Variants in G3BP1 observed in about 807,000 individuals in gnomAD.
The protein encoded by G3BP1 is G3BP stress granule assembly factor 1.
A neutral mutation model predicts 58.6 loss-of-function variants in G3BP1; 35 were observed. The observed-to-expected ratio is 0.60, with a 90% CI of 0.46 to 0.79. The LOEUF is 0.79. Ranked by LOEUF, G3BP1 falls within the 30% of genes least tolerant of loss-of-function variation. The pLI is 0.00. For missense variants in G3BP1, 523 were observed against 580.8 expected, an observed-to-expected ratio of 0.90 and a Z score of 1.02; for synonymous variants, 191 against 195.4, an observed-to-expected ratio of 0.98 and a Z score of 0.19.
chr5:151,789,197 C>CT (rs1260148158), intron 2 of G3BP1, among the ~76,000 whole-genome samples: 2 of 151,804 alleles, frequency 1.3e-5, no homozygotes, highest in Admixed American at 1.3e-4. Flanking sequence ...AATTCTAGCA[C>CT]TTTGAGAGGC....
intron 4 of G3BP1, among the ~76,000 whole-genome samples, chr5:151,792,900 C>T (rs185089460): frequency 1.1e-3 from 168 of 152,264 alleles, no homozygotes; most frequent in Middle Eastern, 0.01. Context: ...CAGGAGTGAG[C>T]CACTGTGCCT....
intron 1 of G3BP1, among the ~76,000 whole-genome samples, chr5:151,776,596 A>G (rs942273168): frequency 1.5e-4 from 23 of 151,922 alleles, no homozygotes; most frequent in African/African-American, 5.3e-4. Context: ...CATTCCTTCT[A>G]CAGTATAAAT....
chr5:151,777,809 T>C (rs1034901251), intron 1 of G3BP1, among the ~76,000 whole-genome samples: 14 of 152,182 alleles, frequency 9.2e-5, no homozygotes, highest in African/African-American at 3.4e-4. Flanking sequence ...CTCATGTCCC[T>C]TTTCCCTCTT....
rs1763035096 is a variant in G3BP1, at chr5:151,812,777, A to G, written c.*8686A>G. The G allele has an allele frequency of 6.6e-6, 1 of 152,242 alleles. No individual in the cohort carries two copies. Among genetic ancestry groups the G allele is most frequent in the African/African-American group, 2.4e-5 (1 of 41,474 alleles). The allele number at this position is 152,242 out of a possible 1,614,324, so 9.4% of individuals were successfully genotyped here. On this transcript the variant is annotated 3_prime_UTR_variant, in exon 12 of 12. Coordinates refer to ENST00000356245, the MANE Select transcript of G3BP1 (RefSeq NM_005754.3). ...TAATAAACTCATTTTGGAATGTTTT[A>G]GCAATGAATTGGTATCTCTCTGTTG...
intron 7 of G3BP1, 47 bp downstream of exon 7, chr5:151,797,475 T>TA (rs1268235938): frequency 1.9e-6 from 3 of 1,540,176 alleles, no homozygotes; most frequent in African/African-American, 1.4e-5. Context: ...TTATTTTTTT[T>TA]AAAAAAAGTT....
At position 151,808,854 on chromosome 5, in the gene G3BP1, A is replaced by G. The variant is rs916135220; in HGVS notation, c.*4763A>G. The G allele has an allele frequency of 6.6e-6, 1 of 152,242 alleles. No homozygotes were observed. Among genetic ancestry groups the G allele is most frequent in the Non-Finnish European group, 1.5e-5 (1 of 68,048 alleles). The allele number at this position is 152,242 out of a possible 1,614,324, so 9.4% of individuals were successfully genotyped here. On this transcript the variant is annotated 3_prime_UTR_variant, in exon 12 of 12. Transcript: ENST00000356245. ...AGATTAAATCCTGTTTAACCTGGAT[A>G]GAAACAGTTTTAACTATTGCTGAAG...
intron 1 of G3BP1, among the ~76,000 whole-genome samples, chr5:151,779,583 A>G (rs972974258): frequency 6.6e-6 from 1 of 152,244 alleles, no homozygotes; most frequent in Admixed American, 6.5e-5. Context: ...AAACACTTTT[A>G]AATATATGTA....
In G3BP1 at chr5:151,809,810, C is replaced by T. The variant is rs1044550913; in HGVS notation, c.*5719C>T. The T allele has an allele frequency of 6.6e-5, 10 of 152,192 alleles. No homozygotes were observed. Among genetic ancestry groups the T allele is most frequent in the African/African-American group, 2.2e-4 (9 of 41,442 alleles). 9.4% of individuals were successfully genotyped at this position (152,192 alleles called of 1,614,324 possible). A position where few individuals can be genotyped will look rare whatever the true frequency, so the allele number is the denominator to read the frequency against. ...CACTTTTTGTATGTTCACCCAGTTG[C>T]TTCTGTAGTTTTCATACCCCTGTTT... is the stretch of plus-strand genomic sequence containing the variant. On this transcript the variant is annotated 3_prime_UTR_variant, in exon 12 of 12. Coordinates refer to ENST00000356245, the MANE Select transcript of G3BP1 (RefSeq NM_005754.3).
chr5:151,805,796 T>A lies in G3BP1; in HGVS notation c.*1705T>A, dbSNP rs1276686933. On this transcript the variant is annotated 3_prime_UTR_variant, in exon 12 of 12. Transcript: ENST00000356245. ...AATAGGAAGAAATACAACTTATACT[T>A]TTGTAGCTTATATTAAGCATGTGGT... 2 of 152,184 alleles carry A rather than the reference T, an allele frequency of 1.3e-5. No individual in the cohort carries two copies. Among genetic ancestry groups the A allele is most frequent in the African/African-American group, 4.8e-5 (2 of 41,448 alleles). 9.4% of individuals were successfully genotyped at this position (152,184 alleles called of 1,614,324 possible).
At chr5:151,777,310 GTTAGTACACACAAACAC>G (rs1286445099) in intron 1 of G3BP1, among the ~76,000 whole-genome samples, 1 of 152,168 alleles carries the variant, frequency 6.6e-6, no homozygotes, top group Non-Finnish European at 1.5e-5. Flanking sequence ...ATATTCTCAA[GTTAGTACACACAAACAC>G]TTGCTGTTTT....
chr5:151,786,402 T>G (rs1762555709), intron 1 of G3BP1, among the ~76,000 whole-genome samples, 170 bp from the exon 2 acceptor site: 2 of 152,260 alleles, frequency 1.3e-5, no homozygotes, highest in Admixed American at 1.3e-4. Flanking sequence ...TTCCCCCTTT[T>G]GTATTCATAT....
Position 151,790,384 on chromosome 5 carries a change from G to C in G3BP1, c.157G>C (p.Asp53His). ...GGLDSNGKPA[D>H]AVYGQKEIHR... ...ATTGGATTCAAATGGAAAGCCAGCA[G>C]ATGCAGTCTACGGACAGAAAGTAAG... Residue 53 changes from aspartate (D) to histidine (H), a missense_variant, in exon 3 of 12, where the codon GAT (aspartate) becomes CAT (histidine). Asp to His is a moderately conservative substitution (Grantham distance 81). Around this residue, in one of 2 missense-constraint regions of G3BP1, gnomAD observed 398 missense variants for 399.1 expected, o/e 1.00. Coordinates refer to ENST00000356245, the MANE Select transcript of G3BP1 (RefSeq NM_005754.3). 6.3e-7 allele frequency: 1 copy of C among 1,583,108 alleles called. No individual in the cohort carries two copies. Among genetic ancestry groups the C allele is most frequent in the Non-Finnish European group, 8.6e-7 (1 of 1,163,394 alleles).
chr5:151,779,104 CCTAAT>C (rs1762424037), intron 1 of G3BP1, among the ~76,000 whole-genome samples: 2 of 151,894 alleles, frequency 1.3e-5, no homozygotes, highest in African/African-American at 4.8e-5. Flanking sequence ...AATATTTACT[CCTAAT>C]CTGTGGCTTG....
rs759453300 is a variant in G3BP1, at chr5:151,786,590, CTT to C, written c.-28_-27del. 50 of 1,418,082 alleles carry C rather than the reference CTT, an allele frequency of 3.5e-5. No individual in the cohort carries two copies. The highest frequency in any genetic ancestry group is 4.7e-5 in the Non-Finnish European group (47 of 1,001,534). The allele number at this position is 1,418,082 out of a possible 1,614,324, so 87.8% of individuals were successfully genotyped here. On this transcript the variant is annotated 5_prime_UTR_variant, in exon 2 of 12. Coordinates refer to ENST00000356245, the MANE Select transcript of G3BP1 (RefSeq NM_005754.3). ...CCTTCAGGTTTGGACATATTTGACT[CTT>C]TTCCCCCCAGGTTGAATTGACCAAA...
intron 1 of G3BP1, among the ~76,000 whole-genome samples, chr5:151,773,183 TGGA>T (rs1472189244): frequency 6.6e-6 from 1 of 152,162 alleles, no homozygotes; most frequent in African/African-American, 2.4e-5. Flanking sequence ...TTTTTTTAAT[TGGA>T]GGAGACTTTT....
intron 8 of G3BP1, among the ~76,000 whole-genome samples, 154 bp from the exon 9 acceptor site, chr5:151,799,735 G>T (rs1162327248): frequency 1.3e-5 from 2 of 151,960 alleles, no homozygotes; most frequent in Non-Finnish European, 2.9e-5. Flanking sequence ...TGACATATAG[G>T]ACGGAAGAGA....
intron 1 of G3BP1, among the ~76,000 whole-genome samples, chr5:151,777,960 G>C (rs1176625303): frequency 6.6e-6 from 1 of 151,502 alleles, no homozygotes; most frequent in Non-Finnish European, 1.5e-5. Flanking sequence ...CTGTTGTGTA[G>C]GCATATCACA....
At position 151,786,149 on chromosome 5, in the gene G3BP1, C is replaced by T. The variant is rs151158789; in HGVS notation, c.-49-423C>T. 9.8e-3 allele frequency among the ~76,000 whole-genome samples: 1,494 copies of T among 152,248 alleles called. 28 individuals carry two copies. The highest frequency in any genetic ancestry group is 0.034 in the African/African-American group (1,419 of 41,530). Reference sequence around the variant, plus strand: ...CTAAAAAATACAAAAATTAGCCGGGCATGATGGCGCTTGCCAGTAGTCCCA... The same window carrying T: ...CTAAAAAATACAAAAATTAGCCGGGTATGATGGCGCTTGCCAGTAGTCCCA... On this transcript the variant is annotated intron_variant, in intron 1 of 11. Transcript: ENST00000356245.
intron 11 of G3BP1, among the ~76,000 whole-genome samples, chr5:151,802,968 C>T (rs957849955): frequency 6.6e-6 from 1 of 152,022 alleles, no homozygotes; most frequent in African/African-American, 2.4e-5. Flanking sequence ...GAATAGAACA[C>T]TTCCGCGACA....
Sources: gnomAD v4.1 joint callset for allele counts (sites outside exome capture counted in the v4.1 genomes callset) on GRCh38, gnomAD v4.1.1 for gene constraint, gnomAD v4.1.1 regional missense constraint, MANE v1.5 for transcripts, NCBI Gene and HGNC (gene_info 2026-07-23, HGNC 2026-07-21) for gene names.